Variants in MCM9 observed in about 807,000 individuals in gnomAD.
MCM9 encodes minichromosome maintenance 9 homologous recombination repair factor.
In MCM9, 55 loss-of-function variants were observed where a neutral mutation model predicts 72.8. That is an observed-to-expected ratio of 0.76 (90% CI 0.61 to 0.95). The LOEUF (loss-of-function observed/expected upper bound fraction) is 0.95, where lower values mean the gene tolerates loss of function less well. Ranked by LOEUF, MCM9 falls within the 40% of genes least tolerant of loss-of-function variation. MCM9 has a pLI of 0.00. For missense variants in MCM9, 1,279 were observed against 1,377.0 expected (o/e 0.93, Z 1.13); for synonymous variants, 480 against 503.4 (o/e 0.95, Z 0.62).
chr6:118,919,483 C>T (rs541257368), intron 5 of MCM9: 19 of 151,784 alleles, frequency 1.3e-4, no homozygotes, highest in African/African-American at 4.6e-4. Flanking sequence ...GGCAAGTGCT[C>T]AGTAAATATT....
chr6:118,839,634 T>G (rs1775215155), intron 9 of MCM9, among the ~76,000 whole-genome samples: 1 of 152,202 alleles, frequency 6.6e-6, no homozygotes, highest in South Asian at 2.1e-4. Flanking sequence ...TTGTTGATGT[T>G]GATGCTATTC....
At chr6:118,818,673 C>T (rs530171124) in intron 13 of MCM9, among the ~76,000 whole-genome samples, 10 of 152,128 alleles carry the variant, frequency 6.6e-5, no homozygotes, top group South Asian at 2.1e-4. Flanking sequence ...AGAAAGTCAA[C>T]GGTAGCTTGA....
At chr6:118,833,721 C>T (rs1178859235) in intron 9 of MCM9, among the ~76,000 whole-genome samples, 1 of 151,848 alleles carries the variant, frequency 6.6e-6, no homozygotes, top group Non-Finnish European at 1.5e-5. Flanking sequence ...CTGTGAAATA[C>T]CTAGAGTAGT....
At chr6:118,926,028 A>AATTTCAGAAT (rs1781866093) in intron 3 of MCM9, among the ~76,000 whole-genome samples, 1 of 152,230 alleles carries the variant, frequency 6.6e-6, no homozygotes, top group African/African-American at 2.4e-5. Flanking sequence ...CATCACCACT[A>AATTTCAGAAT]ATTCCAGAAT....
At chr6:118,843,352 GGT>G (rs1219060196) in intron 9 of MCM9, among the ~76,000 whole-genome samples, 86 of 151,882 alleles carry the variant, frequency 5.7e-4, no homozygotes, top group African/African-American at 1.8e-3. Context: ...TCTCTGGCTG[GGT>G]GCAGTGGCTC....
chr6:118,882,467 C>G (rs1387962813), intron 8 of MCM9, among the ~76,000 whole-genome samples: 4 of 152,160 alleles, frequency 2.6e-5, no homozygotes, highest in Non-Finnish European at 5.9e-5. Flanking sequence ...ACCAGGGAAA[C>G]AGCCAACAAG....
At chr6:118,828,696 G>C (rs1774333267) in intron 10 of MCM9, among the ~76,000 whole-genome samples, 1 of 152,128 alleles carries the variant, frequency 6.6e-6, no homozygotes. Flanking sequence ...GAGTAAATCT[G>C]ATTTAAAGAG....
chr6:118,889,360 T>A (rs775968366), intron 8 of MCM9, among the ~76,000 whole-genome samples: 2 of 152,220 alleles, frequency 1.3e-5, no homozygotes, highest in African/African-American at 2.4e-5. Context: ...CCATCTAATG[T>A]CATTTGTCTC....
chr6:118,898,528 G>A (rs1779592547), intron 8 of MCM9, among the ~76,000 whole-genome samples: 2 of 151,446 alleles, frequency 1.3e-5, no homozygotes, highest in Admixed American at 6.6e-5. Context: ...GGGTTCAGGC[G>A]ATTCTTGTGC....
At chr6:118,893,411 T>C (rs1426479559) in intron 8 of MCM9, among the ~76,000 whole-genome samples, 1 of 152,212 alleles carries the variant, frequency 6.6e-6, no homozygotes, top group Non-Finnish European at 1.5e-5. Context: ...CAAATGGCAG[T>C]AACCTGAAGT....
chr6:118,845,362 T>C (rs1363321640), intron 9 of MCM9, among the ~76,000 whole-genome samples: 4 of 151,846 alleles, frequency 2.6e-5, no homozygotes, highest in Non-Finnish European at 5.9e-5. Context: ...GAACAGTAGT[T>C]ACGGAGAGTT....
chr6:118,864,600 G>A (rs1198589378), intron 8 of MCM9, among the ~76,000 whole-genome samples: 1 of 152,014 alleles, frequency 6.6e-6, no homozygotes, highest in Admixed American at 6.6e-5. Context: ...AAAAGCTGAG[G>A]CATAGGACCC....
intron 9 of MCM9, among the ~76,000 whole-genome samples, chr6:118,839,685 T>A (rs1775218369): frequency 6.6e-6 from 1 of 152,232 alleles, no homozygotes; most frequent in Non-Finnish European, 1.5e-5. Flanking sequence ...GCCCCTCTGC[T>A]GCAGGTCTGC....
intron 9 of MCM9, among the ~76,000 whole-genome samples, chr6:118,843,657 T>TATACACAC (rs1378043575): frequency 5.9e-5 from 2 of 33,846 alleles, no homozygotes; most frequent in African/African-American, 1.1e-4. Flanking sequence ...TATATATATG[T>TATACACAC]GTATATATAT....
intron 8 of MCM9, chr6:118,894,631 C>CG: frequency 1.0e-6 from 1 of 982,402 alleles, no homozygotes. Flanking sequence ...CTGGCGGCCG[C>CG]GGGCTGCTCT....
At chr6:118,867,440 T>C (rs1472493412) in intron 8 of MCM9, among the ~76,000 whole-genome samples, 1 of 152,210 alleles carries the variant, frequency 6.6e-6, no homozygotes, top group Non-Finnish European at 1.5e-5. Flanking sequence ...TCTAAGCCCT[T>C]ATATTCACTC....
chr6:118,894,929 C>T (rs1276114034), intron 8 of MCM9, among the ~76,000 whole-genome samples: 2 of 152,136 alleles, frequency 1.3e-5, no homozygotes. Context: ...CGTGTGGTCG[C>T]GCCGGCGAGT....
At chr6:118,932,509 G>T in intron 2 of MCM9, 98 bp downstream of exon 2, 1 of 712,172 alleles carries the variant, frequency 1.4e-6, no homozygotes, top group Non-Finnish European at 1.7e-6. Flanking sequence ...TCTAGCTTTT[G>T]TTTATATGAA....
At chr6:118,856,739 C>G (rs577539617) in intron 8 of MCM9, among the ~76,000 whole-genome samples, 194 bp from the exon 9 acceptor site, 3 of 152,116 alleles carry the variant, frequency 2.0e-5, no homozygotes, top group Admixed American at 6.5e-5. Context: ...ATTTGCTGGG[C>G]ACAGTGGTGT....
Sources: gnomAD v4.1 joint callset for allele counts (sites outside exome capture counted in the v4.1 genomes callset) on GRCh38, gnomAD v4.1.1 for gene constraint, MANE v1.5 for transcripts, NCBI Gene and HGNC (gene_info 2026-07-23, HGNC 2026-07-21) for gene names.